CDK14: variants seen among roughly 807,000 people sequenced by gnomAD.
CDK14 encodes the protein cyclin-dependent kinase 14.
Under a neutral mutation model 60.7 loss-of-function variants are expected in CDK14, and 34 were observed. That is an observed-to-expected ratio of 0.56 (90% confidence interval 0.43 to 0.75). CDK14 has a LOEUF of 0.75. CDK14 is among the 30% of genes least tolerant of loss of function. The pLI, the probability that CDK14 is intolerant of heterozygous loss-of-function variation, is 0.00. For missense variants in CDK14, 482 were observed against 564.1 expected, an observed-to-expected ratio of 0.85 and a Z score of 1.47; for synonymous variants, 197 against 203.7, an observed-to-expected ratio of 0.97 and a Z score of 0.28.
intron 9 of CDK14, among the ~76,000 whole-genome samples, chr7:90,957,354 CA>C (rs1417648023): frequency 6.6e-6 from 1 of 151,968 alleles, no homozygotes; most frequent in African/African-American, 2.4e-5. Context: ...CTGGCCAGGG[CA>C]ATTAGGCAGG....
At chr7:91,199,134 T>A (rs1802639518) in intron 14 of CDK14, among the ~76,000 whole-genome samples, 2 of 152,176 alleles carry the variant, frequency 1.3e-5, no homozygotes, top group Non-Finnish European at 2.9e-5. Flanking sequence ...CTTGTAAAGG[T>A]ATGCTGAGCA....
At chr7:90,781,660 G>T (rs374489164) in intron 4 of CDK14, among the ~76,000 whole-genome samples, 20,765 of 150,172 alleles carry the variant, frequency 0.14, 1,674 homozygotes, top group Middle Eastern at 0.24. Flanking sequence ...CCAGCACCAT[G>T]TATTAAATAG....
At chr7:90,688,262 A>G (rs1801481091) in intron 2 of CDK14, among the ~76,000 whole-genome samples, 1 of 152,114 alleles carries the variant, frequency 6.6e-6, no homozygotes, top group Non-Finnish European at 1.5e-5. Flanking sequence ...TTGATGCCTG[A>G]GATCAGTCAC....
intron 2 of CDK14, among the ~76,000 whole-genome samples, chr7:90,662,876 G>T (rs533447832): frequency 6.6e-6 from 1 of 152,182 alleles, no homozygotes; most frequent in South Asian, 2.1e-4. Flanking sequence ...TTTGAATCTG[G>T]GCTCCTCCAC....
chr7:90,690,616 G>C (rs1801534124), intron 2 of CDK14, among the ~76,000 whole-genome samples: 1 of 152,070 alleles, frequency 6.6e-6, no homozygotes, highest in Admixed American at 6.6e-5. Flanking sequence ...GAAAGATTGT[G>C]TTTATAACAG....
At position 90,745,942 on chromosome 7, in the gene CDK14, G is replaced by GA. The variant is rs1803572245; in HGVS notation, c.370-1738dup. ...AAGGGATTACAGCTTGGGGGATGGG[G>GA]AGACATTGCTTTTTCTCTGGGTATT... On this transcript the variant is annotated intron_variant, in intron 3 of 14. Coordinates refer to ENST00000380050, the MANE Select transcript of CDK14 (RefSeq NM_001287135.2). Among the ~76,000 whole-genome samples the GA allele has an allele frequency of 2.6e-5, 4 of 152,284 alleles. No homozygotes were observed. In the South Asian group the frequency reaches 8.3e-4, roughly 32 times the overall value.
chr7:91,102,125 T>C (rs1181835721), intron 12 of CDK14, among the ~76,000 whole-genome samples: 6 of 152,298 alleles, frequency 3.9e-5, no homozygotes, highest in South Asian at 2.1e-4. Flanking sequence ...GCACCCGCAT[T>C]GGTATCCTTG....
In CDK14 at chr7:90,744,419, C is replaced by A. The variant is rs191777699; in HGVS notation, c.370-3262C>A. Among the ~76,000 whole-genome samples, 1,068 of 152,340 alleles carry A rather than the reference C, an allele frequency of 7.0e-3. 11 individuals are homozygous for A. The highest frequency in any genetic ancestry group is 0.012 in the South Asian group (58 of 4,826). ...TCTCCCATGTCTACTTCTCTCTATA[C>A]AGACACGGCAACCATCTGATTTCTC... On this transcript the variant is annotated intron_variant, in intron 3 of 14. Coordinates refer to ENST00000380050, the MANE Select transcript of CDK14 (RefSeq NM_001287135.2).
chr7:90,699,846 C>T (rs1801745631), intron 2 of CDK14, among the ~76,000 whole-genome samples: 1 of 152,094 alleles, frequency 6.6e-6, no homozygotes, highest in African/African-American at 2.4e-5. Flanking sequence ...TGAATCTTTC[C>T]TAAATGATTA....
intron 2 of CDK14, among the ~76,000 whole-genome samples, chr7:90,701,372 A>G (rs1368706910): frequency 2.0e-5 from 3 of 152,228 alleles, no homozygotes; most frequent in Non-Finnish European, 4.4e-5. Context: ...CAGATAACTG[A>G]TTAGTAGCTA....
At chr7:91,013,187 T>C (rs1394057180) in intron 10 of CDK14, among the ~76,000 whole-genome samples, 1 of 152,242 alleles carries the variant, frequency 6.6e-6, no homozygotes, top group Non-Finnish European at 1.5e-5. Context: ...TTCTTTTTCC[T>C]TTGTTCTCTT....
rs947122629 is a variant in CDK14, at chr7:90,962,491, G to GA, written c.947+6685dup. On this transcript the variant is annotated intron_variant, in intron 9 of 14. Coordinates refer to ENST00000380050, the MANE Select transcript of CDK14 (RefSeq NM_001287135.2). ...ACAGAGTGAGACTCCGTCTCAAAAA[G>GA]AAAAAAAAAAAGTCTAGTGTGGTTA... Among the ~76,000 whole-genome samples, 164 of 141,584 alleles carry GA rather than the reference G, an allele frequency of 1.2e-3. 1 individual carries two copies. Among genetic ancestry groups the GA allele is most frequent in the Middle Eastern group, 3.7e-3 (1 of 272 alleles). 92.9% of individuals were successfully genotyped at this position (141,584 alleles called of 152,430 possible).
In CDK14 at chr7:90,787,107, A is replaced by G. The variant is rs1224112347; in HGVS notation, c.465-3466A>G. Among the ~76,000 whole-genome samples the G allele has an allele frequency of 4.6e-5, 7 of 152,314 alleles. No homozygotes were observed. The East Asian group carries it at 9.6e-4, about 21-fold the overall frequency. Reference sequence around the variant, plus strand: ...TTGTTGAGTGTTGAGACACGTAGATAAAAAGTAATTAAGAAAGGAGAAAGT... The same window carrying G: ...TTGTTGAGTGTTGAGACACGTAGATGAAAAGTAATTAAGAAAGGAGAAAGT... On this transcript the variant is annotated intron_variant, in intron 4 of 14. Coordinates refer to ENST00000380050, the MANE Select transcript of CDK14 (RefSeq NM_001287135.2).
intron 2 of CDK14, among the ~76,000 whole-genome samples, chr7:90,656,165 A>G (rs976240290): frequency 1.3e-5 from 2 of 151,930 alleles, no homozygotes; most frequent in African/African-American, 4.8e-5. Context: ...TCTTTTAGGG[A>G]CTCCATTTGG....
chr7:90,680,277 C>T (rs1801287642), intron 2 of CDK14, among the ~76,000 whole-genome samples: 1 of 152,098 alleles, frequency 6.6e-6, no homozygotes, highest in African/African-American at 2.4e-5. Context: ...TTGACAACCT[C>T]TTTGAGATGA....
At chr7:91,061,278 G>A (rs1360727829) in intron 11 of CDK14, among the ~76,000 whole-genome samples, 2 of 152,086 alleles carry the variant, frequency 1.3e-5, no homozygotes, top group Non-Finnish European at 2.9e-5. Flanking sequence ...TCTCTGCATT[G>A]GTTATTCTAG....
chr7:91,194,522 T>C (rs1343147669), intron 14 of CDK14, among the ~76,000 whole-genome samples: 1 of 151,828 alleles, frequency 6.6e-6, no homozygotes, highest in Non-Finnish European at 1.5e-5. Context: ...CAGGATAACA[T>C]GAAACAACTA....
chr7:90,992,623 T>A (rs1387832529), intron 10 of CDK14, among the ~76,000 whole-genome samples: 1 of 152,180 alleles, frequency 6.6e-6, no homozygotes, highest in East Asian at 1.9e-4. Flanking sequence ...GTGATACTTG[T>A]TCACTGAAGT....
At chr7:90,636,058 T>C (rs1800138155) in intron 2 of CDK14, among the ~76,000 whole-genome samples, 1 of 150,640 alleles carries the variant, frequency 6.6e-6, no homozygotes, top group African/African-American at 2.5e-5. Flanking sequence ...GTTTTCTAGA[T>C]ATACAATCAT....
Sources: gnomAD v4.1 joint callset for allele counts (sites outside exome capture counted in the v4.1 genomes callset) on GRCh38, gnomAD v4.1.1 for gene constraint, MANE v1.5 for transcripts, NCBI Gene and HGNC (gene_info 2026-07-23, HGNC 2026-07-21) for gene names.